The following ZNF532 variants were observed in gnomAD, a reference collection of about 807,000 sequenced individuals.
ZNF532 encodes zinc finger protein 532.
ZNF532 carries 22 observed loss-of-function variants against 89.3 expected under a neutral mutation model. The observed-to-expected ratio is 0.25, with a 90% CI of 0.18 to 0.35. The LOEUF (loss-of-function observed/expected upper bound fraction) is 0.35. Among genes scored for constraint, ZNF532 ranks in the 10% least tolerant of loss-of-function variants. The pLI is 1.00. For synonymous variants in ZNF532, 606 were observed against 649.6 expected (o/e 0.93, Z 1.02); for missense variants, 1,132 against 1,643.4 (o/e 0.69, Z 5.38).
intron 2 of ZNF532, among the ~76,000 whole-genome samples, chr18:58,876,500 G>A (rs1180809936): frequency 6.6e-6 from 1 of 152,174 alleles, no homozygotes; most frequent in African/African-American, 2.4e-5. Context: ...GAGCAGACAT[G>A]GGGGCCAGGA....
At chr18:58,947,729 T>A (rs568395946) in intron 5 of ZNF532, among the ~76,000 whole-genome samples, 3 of 151,338 alleles carry the variant, frequency 2.0e-5, no homozygotes, top group Admixed American at 1.3e-4. Context: ...AAAAAATCTT[T>A]AAAAAAAAAG....
chr18:58,898,033 C>T (rs897044417), intron 2 of ZNF532, among the ~76,000 whole-genome samples: 1 of 152,102 alleles, frequency 6.6e-6, no homozygotes, highest in African/African-American at 2.4e-5. Context: ...AATTTTTTGT[C>T]AAAGTAATAC....
At chr18:58,973,909 T>A (rs2147502311) in intron 7 of ZNF532, among the ~76,000 whole-genome samples, 1 of 152,146 alleles carries the variant, frequency 6.6e-6, no homozygotes, top group East Asian at 1.9e-4. Context: ...ACTGTATGGC[T>A]CCATTTATAT....
chr18:58,965,020 TACTA>T (rs556635144), intron 7 of ZNF532, among the ~76,000 whole-genome samples: 150 of 149,238 alleles, frequency 1.0e-3, no homozygotes, highest in South Asian at 3.1e-3. Flanking sequence ...TAATTTTTAA[TACTA>T]ACTTTTATTA....
At chr18:58,937,683 CCAT>C (rs1217128242) in intron 4 of ZNF532, among the ~76,000 whole-genome samples, 17 of 152,186 alleles carry the variant, frequency 1.1e-4, no homozygotes, top group Admixed American at 2.0e-4. Context: ...CATTAATTAC[CCAT>C]CTACTTTTGT....
intron 6 of ZNF532, among the ~76,000 whole-genome samples, chr18:58,951,155 G>T (rs532073699): frequency 6.6e-6 from 1 of 152,024 alleles, no homozygotes; most frequent in Admixed American, 6.6e-5. Flanking sequence ...TAGAGACAGG[G>T]TTTCACTAGT....
chr18:58,897,095 T>G (rs974340994), intron 2 of ZNF532, among the ~76,000 whole-genome samples: 1 of 152,124 alleles, frequency 6.6e-6, no homozygotes, highest in Non-Finnish European at 1.5e-5. Flanking sequence ...CTCTTAGGGT[T>G]GGAATTTCTC....
intron 2 of ZNF532, among the ~76,000 whole-genome samples, chr18:58,878,709 G>A (rs879051753): frequency 2.6e-5 from 4 of 152,220 alleles, no homozygotes; most frequent in Admixed American, 2.0e-4. Flanking sequence ...TGAAAGACTA[G>A]ATTGTTTAGA....
intron 5 of ZNF532, among the ~76,000 whole-genome samples, chr18:58,945,507 A>G (rs932333040): frequency 3.9e-5 from 6 of 152,178 alleles, no homozygotes; most frequent in Admixed American, 3.9e-4. Flanking sequence ...TCAGAATGAT[A>G]GCTACGTAAA....
chr18:58,899,666 A>G (rs2059476012), intron 2 of ZNF532, among the ~76,000 whole-genome samples: 1 of 152,086 alleles, frequency 6.6e-6, no homozygotes, highest in African/African-American at 2.4e-5. Context: ...ACAGGGTTCC[A>G]CCATGTTGAC....
chr18:58,875,152 C>CT (rs2057328831), intron 2 of ZNF532, among the ~76,000 whole-genome samples: 1 of 151,816 alleles, frequency 6.6e-6, no homozygotes, highest in African/African-American at 2.4e-5. Flanking sequence ...TTTCCCCCCC[C>CT]TTTTTTTCTC....
intron 2 of ZNF532, among the ~76,000 whole-genome samples, chr18:58,903,097 T>C (rs2059703832): frequency 6.6e-6 from 1 of 152,220 alleles, no homozygotes; most frequent in South Asian, 2.1e-4. Flanking sequence ...GTTACTTGTT[T>C]CCATTTGTAG....
At position 58,986,321 on chromosome 18, in the gene ZNF532, A is replaced by G. The variant is rs140936143; in HGVS notation, c.*1855A>G. ...TTTTACAGTTGAGGGAGCTGAGCTC[A>G]GATTCAGTTCTTTGCCGAAGCCCTC... On this transcript the variant is annotated 3_prime_UTR_variant, in exon 10 of 10. Transcript: ENST00000591808. The G allele has an allele frequency of 0.011, 1,633 of 152,786 alleles. 17 individuals are homozygous for G. Among genetic ancestry groups the G allele is most frequent in the Middle Eastern group, 0.044 (13 of 294 alleles). The allele number at this position is 152,786 out of a possible 1,614,324, so 9.5% of individuals were successfully genotyped here.
chr18:58,890,045 T>A (rs2058772153), intron 2 of ZNF532, among the ~76,000 whole-genome samples: 1 of 151,376 alleles, frequency 6.6e-6, no homozygotes, highest in Non-Finnish European at 1.5e-5. Context: ...ATCGCGCCAC[T>A]GCACTCCAGC....
intron 2 of ZNF532, among the ~76,000 whole-genome samples, chr18:58,914,465 A>C (rs960613574): frequency 6.6e-6 from 1 of 152,230 alleles, no homozygotes; most frequent in African/African-American, 2.4e-5. Flanking sequence ...GCGGATCACG[A>C]GGTCAGGAGC....
chr18:58,898,380 G>T (rs1319317455), intron 2 of ZNF532, among the ~76,000 whole-genome samples: 1 of 152,194 alleles, frequency 6.6e-6, no homozygotes, highest in Non-Finnish European at 1.5e-5. Flanking sequence ...AGTACTAATG[G>T]AGACCAGATG....
At chr18:58,952,166 A>G (rs2064272484) in intron 6 of ZNF532, among the ~76,000 whole-genome samples, 1 of 152,336 alleles carries the variant, frequency 6.6e-6, no homozygotes, top group Admixed American at 6.5e-5. Context: ...TTAAACATCC[A>G]AGAAGGAATG....
At chr18:58,874,595 C>T (rs367694831) in intron 2 of ZNF532, among the ~76,000 whole-genome samples, 8 of 152,156 alleles carry the variant, frequency 5.3e-5, no homozygotes, top group African/African-American at 1.7e-4. Flanking sequence ...CCCGCCTTGG[C>T]CTCCTACAGT....
chr18:58,984,577 T>C lies in ZNF532; in HGVS notation c.*111T>C, dbSNP rs1168352409. ...AACAGTACTGTCTAGGCTGTTGCAATATATTCTCTTTCAATGTACCTTCCT... is the reference window on the plus strand; with the variant it reads ...AACAGTACTGTCTAGGCTGTTGCAACATATTCTCTTTCAATGTACCTTCCT... On this transcript the variant is annotated 3_prime_UTR_variant, in exon 10 of 10. Transcript: ENST00000591808. 5 of 1,325,892 alleles carry C rather than the reference T, an allele frequency of 3.8e-6. No homozygotes were observed. Among genetic ancestry groups the C allele is most frequent in the Non-Finnish European group, 5.1e-6 (5 of 985,274 alleles). 82.1% of individuals were successfully genotyped at this position (1,325,892 alleles called of 1,614,324 possible).
Sources: allele counts gnomAD v4.1 joint callset (sites outside exome capture counted in the v4.1 genomes callset), GRCh38; gene constraint gnomAD v4.1.1; transcripts MANE v1.5; gene names NCBI Gene and HGNC (gene_info 2026-07-23, HGNC 2026-07-21).